The following SYTL5 variants were observed in gnomAD, a reference collection of about 807,000 sequenced individuals.
The protein encoded by SYTL5 is synaptotagmin like 5, also known as synaptotagmin-like protein 5.
In SYTL5, 34 loss-of-function variants were observed where a neutral mutation model predicts 55.9. The observed-to-expected ratio is 0.61, with a 90% CI of 0.46 to 0.81. SYTL5 has a LOEUF of 0.81. SYTL5 is among the 30% of genes least tolerant of loss of function. The pLI is 0.00. For missense variants in SYTL5, 637 were observed against 546.7 expected (o/e 1.17, Z -1.65); for synonymous variants, 221 against 188.7 (o/e 1.17, Z -1.40).
the SYTL5 span, among the ~76,000 whole-genome samples, chrX:37,930,015 A>G: frequency 8.9e-6 from 1 of 111,765 alleles, no homozygotes; most frequent in African/African-American, 3.3e-5. Context: ...TGAAACCAAC[A>G]AAGACCAATC....
In SYTL5 at chrX:38,126,729, A is replaced by G. The variant is rs1328189148; in HGVS notation, c.2192A>G (p.Ter731=). 2.5e-6 allele frequency: 3 copies of G among 1,204,229 alleles called. No individual in the cohort carries two copies. Among genetic ancestry groups the G allele is most frequent in the South Asian group, 3.6e-5 (2 of 55,618 alleles). ...LRSSMGKCRL[*] is the part of the protein sequence containing the mutation. Reference sequence around the variant, plus strand: ...TCCAGCATGGGAAAATGTAGGCTCTAAAGGGACCAGTTCTCCAAGAATGAG... The same window carrying G: ...TCCAGCATGGGAAAATGTAGGCTCTGAAGGGACCAGTTCTCCAAGAATGAG... The change falls in exon 17 of 17, where the codon TAA becomes TGA. Residue 731 remains the stop codon, a stop_retained_variant. Coordinates refer to ENST00000297875, the MANE Select transcript of SYTL5 (RefSeq NM_138780.3).
chrX:37,924,941 C>T, the SYTL5 span, among the ~76,000 whole-genome samples: 1 of 111,080 alleles, frequency 9.0e-6, no homozygotes, highest in Non-Finnish European at 1.9e-5. Flanking sequence ...TAGAATTTCC[C>T]TACTGTACTA....
chrX:37,983,175 A>G, the SYTL5 span, among the ~76,000 whole-genome samples: 5 of 111,958 alleles, frequency 4.5e-5, no homozygotes, highest in Non-Finnish European at 9.4e-5. Flanking sequence ...GGCAGAGGTA[A>G]ATCTAACTAT....
chrX:38,032,146 G>A (rs183653598), intron 1 of SYTL5, among the ~76,000 whole-genome samples: 5 of 112,101 alleles, frequency 4.5e-5, no homozygotes, highest in African/African-American at 1.6e-4. Context: ...CAGCCTTTAA[G>A]TATGTATGTA....
chrX:37,915,788 T>C, the SYTL5 span, among the ~76,000 whole-genome samples: 1 of 111,164 alleles, frequency 9.0e-6, no homozygotes, highest in African/African-American at 3.3e-5. Context: ...TAAATTCTAC[T>C]GATATATTCT....
At chrX:37,964,026 T>C in the SYTL5 span, among the ~76,000 whole-genome samples, 7 of 111,836 alleles carry the variant, frequency 6.3e-5, no homozygotes, top group Non-Finnish European at 1.3e-4. Flanking sequence ...ATGCTCTGAA[T>C]GTTTGTGTGC....
chrX:38,013,893 C>T (rs891362077), intron 1 of SYTL5, among the ~76,000 whole-genome samples: 1 of 110,612 alleles, frequency 9.0e-6, no homozygotes, highest in Non-Finnish European at 1.9e-5. Flanking sequence ...CCTCCTAGTC[C>T]CTCAACCACC....
chrX:38,111,566 T>A (rs1340750601), intron 13 of SYTL5, among the ~76,000 whole-genome samples: 12 of 112,272 alleles, frequency 1.1e-4, no homozygotes. Flanking sequence ...AGTCTTGGAA[T>A]TTCTTGGTCT....
At chrX:38,025,034 T>C (rs192540674) in intron 1 of SYTL5, among the ~76,000 whole-genome samples, 12 of 112,058 alleles carry the variant, frequency 1.1e-4, no homozygotes, top group Non-Finnish European at 1.7e-4. Flanking sequence ...TGACAGTTCT[T>C]ACCTTTTGAC....
the SYTL5 span, among the ~76,000 whole-genome samples, chrX:37,969,623 G>A: frequency 8.9e-6 from 1 of 112,047 alleles, no homozygotes; most frequent in Non-Finnish European, 1.9e-5. Context: ...AAAGGAAAGA[G>A]CCATCATTCA....
At chrX:38,068,389 A>G (rs1484427762) in intron 3 of SYTL5, among the ~76,000 whole-genome samples, 1 of 112,383 alleles carries the variant, frequency 8.9e-6, no homozygotes, top group East Asian at 2.8e-4. Context: ...ACTAAAAACA[A>G]AACTATTATA....
chrX:37,965,226 C>A, the SYTL5 span, among the ~76,000 whole-genome samples: 2 of 111,378 alleles, frequency 1.8e-5, no homozygotes, highest in Non-Finnish European at 1.9e-5. Flanking sequence ...TCTAGTACTG[C>A]TTTTGCTGGA....
At chrX:38,111,915 G>T (rs1937369625) in intron 13 of SYTL5, among the ~76,000 whole-genome samples, 1 of 111,830 alleles carries the variant, frequency 8.9e-6, no homozygotes, top group African/African-American at 3.3e-5. Flanking sequence ...ATAGTTGAAG[G>T]ACTTTGCTGG....
rs975442854 is a variant in SYTL5 at position 38,103,054 on chromosome X, G to A, written c.1155+620G>A. The A allele has an allele frequency of 5.2e-6, 6 of 1,161,620 alleles. No individual in the cohort carries two copies. In the Admixed American group the frequency reaches 1.6e-4, roughly 30 times the overall value. ...TCTCAAGCAGGTTCTGACAGGAAGT[G>A]GACCTACCTAAATGTGCCTGATGCT... On this transcript the variant is annotated intron_variant, in intron 10 of 16. Coordinates refer to ENST00000297875, the MANE Select transcript of SYTL5 (RefSeq NM_138780.3).
intron 2 of SYTL5, among the ~76,000 whole-genome samples, chrX:38,051,659 A>G (rs1935628699): frequency 9.0e-6 from 1 of 111,093 alleles, no homozygotes; most frequent in African/African-American, 3.3e-5. Context: ...TCCCCTACTA[A>G]GGATCTGTGC....
At chrX:38,045,925 C>T (rs1220596208) in intron 2 of SYTL5, among the ~76,000 whole-genome samples, 9 of 111,852 alleles carry the variant, frequency 8.0e-5, no homozygotes, top group East Asian at 5.6e-4. Context: ...GCTGGGCGGG[C>T]GGAAGAAACC....
chrX:37,994,719 G>T, the SYTL5 span: 1 of 113,712 alleles, frequency 8.8e-6, no homozygotes. Flanking sequence ...GAAGGAGGAG[G>T]AGATGGTGGT....
chrX:38,109,692 G>A (rs1179482796), intron 12 of SYTL5, among the ~76,000 whole-genome samples: 3 of 108,825 alleles, frequency 2.8e-5, no homozygotes, highest in African/African-American at 6.7e-5. Context: ...AGTGTGAAGT[G>A]TGTCCCAGAT....
the SYTL5 span, among the ~76,000 whole-genome samples, chrX:37,956,226 G>A: frequency 1.8e-5 from 2 of 111,695 alleles, no homozygotes; most frequent in African/African-American, 6.5e-5. Context: ...GCACTTTACT[G>A]AAAAATCTGT....
Sources: allele counts gnomAD v4.1 joint callset (sites outside exome capture counted in the v4.1 genomes callset), GRCh38; gene constraint gnomAD v4.1.1; transcripts MANE v1.5; gene names NCBI Gene and HGNC (gene_info 2026-07-23, HGNC 2026-07-21).